Variants in MGAT5 observed in about 807,000 individuals in gnomAD.
The protein encoded by MGAT5 is alpha-1,6-mannosylglycoprotein 6-beta-N-acetylglucosaminyltransferase.
MGAT5 carries 30 observed loss-of-function variants against 94.3 expected under a neutral mutation model. The ratio of observed to expected loss-of-function variants is 0.32; its 90% CI spans 0.24 to 0.43. The LOEUF (loss-of-function observed/expected upper bound fraction) is 0.43, where lower values mean the gene tolerates loss of function less well. Among genes scored for constraint, MGAT5 ranks in the 20% least tolerant of loss-of-function variants. The pLI is 1.00. For synonymous variants in MGAT5, 310 were observed against 322.9 expected (o/e 0.96, Z 0.43); for missense variants, 691 against 905.5 (o/e 0.76, Z 3.04).
At chr2:134,390,923 C>T (rs1202422346) in intron 10 of MGAT5, among the ~76,000 whole-genome samples, 1 of 152,084 alleles carries the variant, frequency 6.6e-6, no homozygotes, top group African/African-American at 2.4e-5. Context: ...TCTTTTATGC[C>T]ATCTCTCAGA....
rs557637966 is a variant in MGAT5, at chr2:134,454,299, G to A, written c.*5452G>A. 12 of 152,348 alleles carry A rather than the reference G, an allele frequency of 7.9e-5. No homozygotes were observed. Among genetic ancestry groups the A allele is most frequent in the South Asian group, 6.2e-4 (3 of 4,822 alleles). The allele number at this position is 152,348 out of a possible 1,614,324, so 9.4% of individuals were successfully genotyped here. A position where few individuals can be genotyped will look rare whatever the true frequency, so the allele number is the denominator to read the frequency against. On this transcript the variant is annotated 3_prime_UTR_variant, in exon 16 of 16. Coordinates refer to ENST00000281923, the MANE Select transcript of MGAT5 (RefSeq NM_002410.5). ...CAAAGCTGAGAGGGAGCGAACTTGG[G>A]AAGCATTTTGCTCATTGTCCTACCC... is the stretch of plus-strand genomic sequence containing the variant.
At chr2:134,233,919 C>T (rs187583645) in intron 1 of MGAT5, among the ~76,000 whole-genome samples, 37 of 152,352 alleles carry the variant, frequency 2.4e-4, no homozygotes, top group African/African-American at 8.7e-4. Flanking sequence ...CTCTGGCTCT[C>T]TTGAATAATT....
chr2:134,408,885 G>C (rs1026593607), intron 11 of MGAT5, among the ~76,000 whole-genome samples: 1 of 152,190 alleles, frequency 6.6e-6, no homozygotes, highest in Non-Finnish European at 1.5e-5. Flanking sequence ...CCCAGTCATT[G>C]TATAAAAATA....
chr2:134,306,647 G>T (rs1686345505), intron 2 of MGAT5, among the ~76,000 whole-genome samples: 1 of 152,070 alleles, frequency 6.6e-6, no homozygotes, highest in Non-Finnish European at 1.5e-5. Context: ...TTTGTCCTGA[G>T]GGTGAATGAG....
intron 4 of MGAT5, 40 bp downstream of exon 4, chr2:134,318,779 G>T: frequency 2.1e-6 from 3 of 1,405,190 alleles, no homozygotes; most frequent in Admixed American, 1.7e-5. Context: ...AGATGTGACT[G>T]GTTGGACTGT....
chr2:134,314,946 T>C (rs1472793009), intron 2 of MGAT5, among the ~76,000 whole-genome samples: 2 of 152,164 alleles, frequency 1.3e-5, no homozygotes, highest in Non-Finnish European at 2.9e-5. Flanking sequence ...TGTGGCTGCT[T>C]TTTCATGACA....
intron 1 of MGAT5, among the ~76,000 whole-genome samples, chr2:134,175,489 C>A (rs1210763705): frequency 6.6e-6 from 1 of 152,154 alleles, no homozygotes; most frequent in Non-Finnish European, 1.5e-5. Flanking sequence ...CTGGATCCAC[C>A]CTTAGCTACG....
chr2:134,136,264 C>G (rs1195137334), intron 1 of MGAT5, among the ~76,000 whole-genome samples: 1 of 151,624 alleles, frequency 6.6e-6, no homozygotes, highest in African/African-American at 2.4e-5. Context: ...TGCCATTTAC[C>G]AATTAAAAAA....
intron 1 of MGAT5, among the ~76,000 whole-genome samples, chr2:134,241,630 G>A (rs6719277): frequency 0.026 from 3,978 of 152,304 alleles, 113 homozygotes; most frequent in East Asian, 0.099. Context: ...AGCAAAGATA[G>A]TATCAAAATG....
chr2:134,354,714 C>T (rs1188265910), intron 9 of MGAT5, among the ~76,000 whole-genome samples: 1 of 152,130 alleles, frequency 6.6e-6, no homozygotes, highest in Non-Finnish European at 1.5e-5. Flanking sequence ...TTCCTGACAC[C>T]TTCCTAAGCA....
At chr2:134,348,900 G>A (rs1254503637) in intron 8 of MGAT5, among the ~76,000 whole-genome samples, 2 of 152,146 alleles carry the variant, frequency 1.3e-5, no homozygotes, top group Non-Finnish European at 2.9e-5. Flanking sequence ...AAAACCTTCT[G>A]AAAAGAGCCA....
intron 2 of MGAT5, among the ~76,000 whole-genome samples, chr2:134,295,011 T>C (rs534116948): frequency 1.3e-5 from 2 of 152,322 alleles, no homozygotes; most frequent in East Asian, 1.9e-4. Flanking sequence ...TTGTTCGGTG[T>C]ACTATCGTGG....
intron 2 of MGAT5, among the ~76,000 whole-genome samples, chr2:134,301,763 A>G (rs1273013345): frequency 6.6e-6 from 1 of 152,182 alleles, no homozygotes; most frequent in Non-Finnish European, 1.5e-5. Context: ...GGAGGAGAAT[A>G]AGGACGTGCT....
At chr2:134,347,906 C>A (rs1015878414) in intron 8 of MGAT5, among the ~76,000 whole-genome samples, 3 of 152,148 alleles carry the variant, frequency 2.0e-5, no homozygotes, top group African/African-American at 7.2e-5. Flanking sequence ...GTGCTGTAAT[C>A]TTTGACTCAC....
chr2:134,390,540 A>G (rs1202054965), intron 10 of MGAT5, among the ~76,000 whole-genome samples: 2 of 152,156 alleles, frequency 1.3e-5, no homozygotes, highest in Non-Finnish European at 2.9e-5. Flanking sequence ...TTATTTCAAT[A>G]TATGTTTCTT....
intron 1 of MGAT5, among the ~76,000 whole-genome samples, chr2:134,152,899 C>CTTTTTTT (rs35135371): frequency 6.8e-5 from 8 of 117,272 alleles, no homozygotes; most frequent in East Asian, 2.5e-4. Flanking sequence ...ATGGAGTCCA[C>CTTTTTTT]TTTTTTTTTT....
At position 134,271,592 on chromosome 2, in the gene MGAT5, G is replaced by A. The variant is rs900541432; in HGVS notation, c.406+1042G>A. Among the ~76,000 whole-genome samples the A allele has an allele frequency of 5.3e-5, 8 of 151,940 alleles. No homozygotes were observed. The East Asian group carries it at 9.6e-4, about 18-fold the overall frequency. ...TTCTTTACCTTTCCCACCTCCCAGC[G>A]TCAAAACATTTAATTGTTTTACATT... On this transcript the variant is annotated intron_variant, in intron 2 of 15. Coordinates refer to ENST00000281923, the MANE Select transcript of MGAT5 (RefSeq NM_002410.5).
rs1684914410 is a variant in MGAT5, at chr2:134,432,089, A to G, written c.1869+3650A>G. 1.3e-5 allele frequency among the ~76,000 whole-genome samples: 2 copies of G among 152,212 alleles called. 1 individual carries two copies. Among genetic ancestry groups the G allele is most frequent in the South Asian group, 4.1e-4 (2 of 4,830 alleles). ...AGCACTGTTGTTCCCTATCCTCAGT[A>G]TGTGTGGGCTTGTTAAGGTTTTCAT... On this transcript the variant is annotated intron_variant, in intron 14 of 15. Transcript: ENST00000281923.
At chr2:134,295,117 C>T (rs969898624) in intron 2 of MGAT5, among the ~76,000 whole-genome samples, 2 of 152,034 alleles carry the variant, frequency 1.3e-5, no homozygotes, top group Non-Finnish European at 2.9e-5. Context: ...TTTATTGCAC[C>T]GAGGAACAAG....
Sources: gnomAD v4.1 joint callset for allele counts (sites outside exome capture counted in the v4.1 genomes callset) on GRCh38, gnomAD v4.1.1 for gene constraint, MANE v1.5 for transcripts, NCBI Gene and HGNC (gene_info 2026-07-23, HGNC 2026-07-21) for gene names.